Variants in LRCH3 observed in about 807,000 individuals in gnomAD.
The protein encoded by LRCH3 is leucine rich repeats and calponin homology domain containing 3.
Under a neutral mutation model 104.5 loss-of-function variants are expected in LRCH3, and 68 were observed. That is an observed-to-expected ratio of 0.65 (90% CI 0.54 to 0.80). The LOEUF (loss-of-function observed/expected upper bound fraction) is 0.80, where lower values mean the gene tolerates loss of function less well. Ranked by LOEUF, LRCH3 falls within the 30% of genes least tolerant of loss-of-function variation. The probability of loss-of-function intolerance (pLI) is 0.00; values close to 1 mark genes in which losing one functional copy is unlikely to be tolerated. For synonymous variants in LRCH3, 344 were observed against 361.3 expected (o/e 0.95, Z 0.54); for missense variants, 951 against 953.9 (o/e 1.00, Z 0.04).
chr3:197,825,275 G>C (rs1298279648), intron 4 of LRCH3, among the ~76,000 whole-genome samples: 1 of 149,746 alleles, frequency 6.7e-6, no homozygotes, highest in Non-Finnish European at 1.5e-5. Context: ...AGCATGAGTT[G>C]TTTTAATTTA....
intron 19 of LRCH3, among the ~76,000 whole-genome samples, chr3:197,874,832 T>TC (rs1228582947): frequency 6.6e-6 from 1 of 152,166 alleles, no homozygotes; most frequent in Non-Finnish European, 1.5e-5. Flanking sequence ...TTCTTGTAAA[T>TC]CAAGTTTCAC....
chr3:197,842,246 T>C (rs1204993740), intron 10 of LRCH3, among the ~76,000 whole-genome samples: 1 of 152,182 alleles, frequency 6.6e-6, no homozygotes, highest in Non-Finnish European at 1.5e-5. Flanking sequence ...TTCATGTTTT[T>C]AATTAGCAGG....
chr3:197,867,134 G>A (rs1051534348), intron 17 of LRCH3, among the ~76,000 whole-genome samples: 2 of 152,274 alleles, frequency 1.3e-5, no homozygotes, highest in African/African-American at 4.8e-5. Flanking sequence ...AAAATTAGCC[G>A]GGTGTGGCAG....
At position 197,837,952 on chromosome 3, in the gene LRCH3, C is replaced by T. The variant is rs148096014; in HGVS notation, c.1252-1369C>T. On this transcript the variant is annotated intron_variant, in intron 9 of 20. Transcript: ENST00000425562. ...GCAGGTGCCTGTAATCCCAGCCACT[C>T]GGGAGGCTGAGGCACGAGAGTCACT... 9.5e-3 allele frequency among the ~76,000 whole-genome samples: 1,436 copies of T among 151,910 alleles called. 22 individuals carry two copies. Among genetic ancestry groups the T allele is most frequent in the African/African-American group, 0.03 (1,242 of 41,444 alleles).
At chr3:197,855,185 T>G (rs1740085072) in intron 14 of LRCH3, among the ~76,000 whole-genome samples, 1 of 152,230 alleles carries the variant, frequency 6.6e-6, no homozygotes, top group African/African-American at 2.4e-5. Context: ...CTGCGTGAGC[T>G]GCATGCCTCA....
intron 12 of LRCH3, among the ~76,000 whole-genome samples, chr3:197,850,212 T>A (rs907365861): frequency 6.6e-6 from 1 of 152,218 alleles, no homozygotes; most frequent in African/African-American, 2.4e-5. Flanking sequence ...TGAAGACTTA[T>A]GGGAAAAATG....
intron 1 of LRCH3, among the ~76,000 whole-genome samples, chr3:197,805,589 G>T (rs973546811): frequency 2.0e-5 from 3 of 150,522 alleles, no homozygotes; most frequent in Non-Finnish European, 4.4e-5. Context: ...AATGACAGCC[G>T]ACATGCAGAA....
chr3:197,831,739 T>A (rs1560553835), intron 7 of LRCH3, among the ~76,000 whole-genome samples: 1 of 151,646 alleles, frequency 6.6e-6, no homozygotes, highest in Admixed American at 6.6e-5. Flanking sequence ...CACCTAAACC[T>A]CCTGAGTAGC....
intron 9 of LRCH3, among the ~76,000 whole-genome samples, chr3:197,838,792 T>C (rs897303552): frequency 6.6e-6 from 1 of 152,350 alleles, no homozygotes; most frequent in Middle Eastern, 3.4e-3. Flanking sequence ...AAATAGAAAT[T>C]ACTTTTTGTT....
chr3:197,881,543 CCTT>C lies in LRCH3; in HGVS notation c.2209-1994_2209-1992del, dbSNP rs376933392. On this transcript the variant is annotated intron_variant, in intron 20 of 20. Coordinates refer to ENST00000425562, the MANE Select transcript of LRCH3 (RefSeq NM_001365715.1). ...TTATGTGATTTCTAACATATTCAAA[CCTT>C]CTTAATAGTGAAACAGTAGCAGGAG... The C allele has an allele frequency of 2.0e-4, 199 of 984,836 alleles. 2 individuals are homozygous for C. In the East Asian group the frequency reaches 0.015, roughly 76 times the overall value. The allele number at this position is 984,836 out of a possible 1,614,324, so 61.0% of individuals were successfully genotyped here.
chr3:197,801,672 C>G (rs555634611), intron 1 of LRCH3, among the ~76,000 whole-genome samples: 1 of 152,206 alleles, frequency 6.6e-6, no homozygotes, highest in South Asian at 2.1e-4. Flanking sequence ...ACAATATCAT[C>G]TTTTCTTCTA....
chr3:197,818,024 T>A (rs1037800974), intron 3 of LRCH3, among the ~76,000 whole-genome samples: 4 of 152,162 alleles, frequency 2.6e-5, no homozygotes, highest in Non-Finnish European at 5.9e-5. Context: ...GGTTTCACCG[T>A]GTTAGCCAGG....
rs376360838 is a variant in LRCH3, at chr3:197,860,286, G to A, written c.1716+1381G>A. Among the ~76,000 whole-genome samples, 58 of 152,238 alleles carry A rather than the reference G, an allele frequency of 3.8e-4. 1 individual carries two copies. The East Asian group carries it at 5.6e-3, about 15-fold the overall frequency. ...CAAAGTGCTAGGTGTCAGCCACTGCGCCCAACCTCCTTCAACTTCTAAATG... is the reference window on the plus strand; with the variant it reads ...CAAAGTGCTAGGTGTCAGCCACTGCACCCAACCTCCTTCAACTTCTAAATG... On this transcript the variant is annotated intron_variant, in intron 15 of 20. Transcript: ENST00000425562.
chr3:197,853,846 G>A (rs1400985550), intron 13 of LRCH3, among the ~76,000 whole-genome samples: 2 of 152,114 alleles, frequency 1.3e-5, no homozygotes, highest in Non-Finnish European at 2.9e-5. Context: ...ACACATTTTC[G>A]ACAACCAAAG....
intron 1 of LRCH3, among the ~76,000 whole-genome samples, chr3:197,796,751 G>A (rs1731249084): frequency 6.6e-6 from 1 of 152,140 alleles, no homozygotes; most frequent in Non-Finnish European, 1.5e-5. Context: ...GCTAATAAGT[G>A]ACAAAACTAG....
At chr3:197,837,959 C>T (rs1737098399) in intron 9 of LRCH3, among the ~76,000 whole-genome samples, 4 of 151,878 alleles carry the variant, frequency 2.6e-5, no homozygotes, top group Admixed American at 6.6e-5. Flanking sequence ...ACTCGGGAGG[C>T]TGAGGCACGA....
chr3:197,867,272 G>A (rs980702569), intron 17 of LRCH3, among the ~76,000 whole-genome samples: 8 of 151,902 alleles, frequency 5.3e-5, no homozygotes, highest in African/African-American at 1.9e-4. Context: ...GTAACAAACT[G>A]GCCAGGCATG....
chr3:197,805,110 T>C (rs1732326967), intron 1 of LRCH3, among the ~76,000 whole-genome samples: 1 of 152,150 alleles, frequency 6.6e-6, no homozygotes, highest in South Asian at 2.1e-4. Flanking sequence ...GTCAGGCTGG[T>C]CTCGAACTCC....
intron 12 of LRCH3, chr3:197,850,737 G>A: frequency 7.4e-7 from 1 of 1,347,898 alleles, no homozygotes. Context: ...CCACTGCTTG[G>A]CCTGCGCACA....
Sources: allele counts gnomAD v4.1 joint callset (sites outside exome capture counted in the v4.1 genomes callset), GRCh38; gene constraint gnomAD v4.1.1; transcripts MANE v1.5; gene names NCBI Gene and HGNC (gene_info 2026-07-23, HGNC 2026-07-21).